Variants in DYNC2I1 observed in about 807,000 individuals in gnomAD.
DYNC2I1 encodes the protein cytoplasmic dynein 2 intermediate chain 1.
Under a neutral mutation model 133.4 loss-of-function variants are expected in DYNC2I1, and 89 were observed. The observed-to-expected ratio is 0.67, with a 90% CI of 0.56 to 0.80. The LOEUF is 0.80. Among genes scored for constraint, DYNC2I1 ranks in the 30% least tolerant of loss-of-function variants. The pLI is 0.00. For synonymous variants in DYNC2I1, 504 were observed against 484.3 expected, an observed-to-expected ratio of 1.04 and a Z score of -0.54; for missense variants, 1,291 against 1,314.5, an observed-to-expected ratio of 0.98 and a Z score of 0.28.
At chr7:158,915,122 T>C (rs527690127) in intron 14 of DYNC2I1, among the ~76,000 whole-genome samples, 23 of 152,052 alleles carry the variant, frequency 1.5e-4, no homozygotes, top group Non-Finnish European at 2.5e-4. Context: ...TTGTAAAACC[T>C]TGACACGCTG....
the DYNC2I1 span, among the ~76,000 whole-genome samples, chr7:158,846,968 T>C: frequency 6.6e-6 from 1 of 152,252 alleles, no homozygotes; most frequent in Non-Finnish European, 1.5e-5. Flanking sequence ...GTGGAAGTGA[T>C]AGTTCACTAC....
chr7:158,950,075 C>T (rs924448105), downstream of DYNC2I1, among the ~76,000 whole-genome samples: 7 of 151,442 alleles, frequency 4.6e-5, no homozygotes, highest in Admixed American at 6.6e-5. Context: ...CCAGCCAAGT[C>T]GAGCGTTTTT....
Position 158,872,191 on chromosome 7 carries a change from C to T in DYNC2I1, c.490+629C>T, listed in dbSNP as rs142526228. On this transcript the variant is annotated intron_variant, in intron 3 of 24. Transcript: ENST00000407559. The stretch of plus-strand genomic sequence containing the variant: ...ATTAGCTGTGTGTGGTGGCGCTTGC[C>T]TGTAGTTCTAGCTATTTGGTAGGCC... Among the ~76,000 whole-genome samples the T allele has an allele frequency of 1.5e-3, 223 of 152,240 alleles. 1 individual carries two copies. The highest frequency in any genetic ancestry group is 4.8e-3 in the African/African-American group (199 of 41,542).
At chr7:158,953,796 T>C (rs1009717755) in intron 4 of DYNC2I1, among the ~76,000 whole-genome samples, 1 of 152,036 alleles carries the variant, frequency 6.6e-6, no homozygotes, top group Non-Finnish European at 1.5e-5. Flanking sequence ...ATATATATGT[T>C]ATATATATGC....
Position 158,887,004 on chromosome 7 carries a change from TTA to T in DYNC2I1, c.936-15_936-14del, listed in dbSNP as rs1844672089. ...CATTTAAAGTAAGTTTTGATTTTGA[TTA>T]TGTTTGCTTTCCAGGCATGCTGAGA... On this transcript the variant is annotated splice_polypyrimidine_tract_variant and intron_variant, in intron 6 of 24. Transcript: ENST00000407559. 6.2e-7 allele frequency: 1 copy of T among 1,612,188 alleles called. No individual in the cohort carries two copies. The highest frequency in any genetic ancestry group is 1.3e-5 in the African/African-American group (1 of 74,910).
At chr7:158,929,046 G>C (rs551122967) in intron 20 of DYNC2I1, among the ~76,000 whole-genome samples, 3 of 152,308 alleles carry the variant, frequency 2.0e-5, no homozygotes, top group Admixed American at 6.5e-5. Flanking sequence ...AGGATATCCT[G>C]GGGTGGTGAG....
intron 4 of DYNC2I1, among the ~76,000 whole-genome samples, chr7:158,878,407 A>T (rs1247860088): frequency 4.2e-5 from 5 of 119,050 alleles, no homozygotes; most frequent in East Asian, 2.7e-4. Context: ...CCATGTGGGG[A>T]GGCCAGGAGG....
At chr7:158,904,961 C>A in intron 10 of DYNC2I1, 1 of 277,656 alleles carries the variant, frequency 3.6e-6, no homozygotes, top group Non-Finnish European at 7.1e-6. Context: ...AAACCAATAT[C>A]CAAAAGGAAT....
At chr7:158,942,201 G>T (rs149827566) in intron 24 of DYNC2I1, 53 bp downstream of exon 24, 8 of 1,401,386 alleles carry the variant, frequency 5.7e-6, no homozygotes, top group Non-Finnish European at 4.8e-6. Context: ...CTTCGGCCAC[G>T]GGTGCCACTT....
chr7:158,915,048 A>C (rs2527215), intron 14 of DYNC2I1, among the ~76,000 whole-genome samples: 5 of 150,574 alleles, frequency 3.3e-5, no homozygotes, highest in African/African-American at 1.2e-4. Flanking sequence ...GTGAAACCTC[A>C]ACACGCTAGT....
chr7:158,906,168 G>C (rs1056363369), intron 11 of DYNC2I1, 77 bp downstream of exon 11: 1 of 1,347,424 alleles, frequency 7.4e-7, no homozygotes, highest in Admixed American at 2.3e-5. Flanking sequence ...TTAAAAAATC[G>C]AGTTTTAAAA....
rs769851377 is a variant in DYNC2I1, at chr7:158,884,706, G to A, written c.935+87G>A. ...GAATTTTCTTATTGGCTCCGATGAC[G>A]GCCAGTCCATGGCAATCAGTTATAG... On this transcript the variant is annotated intron_variant, in intron 6 of 24. Coordinates refer to ENST00000407559, the MANE Select transcript of DYNC2I1 (RefSeq NM_018051.5). 1,711 of 1,411,630 alleles carry A rather than the reference G, an allele frequency of 1.2e-3. 2 individuals are homozygous for A. The highest frequency in any genetic ancestry group is 1.6e-3 in the Non-Finnish European group (1,580 of 1,017,374). The allele number at this position is 1,411,630 out of a possible 1,614,324, so 87.4% of individuals were successfully genotyped here.
At chr7:158,848,207 AG>A in the DYNC2I1 span, among the ~76,000 whole-genome samples, 1 of 152,206 alleles carries the variant, frequency 6.6e-6, no homozygotes, top group Non-Finnish European at 1.5e-5. Flanking sequence ...TGCCCTGAGA[AG>A]GGAACTGCTC....
upstream of DYNC2I1, chr7:158,856,480 C>G: frequency 2.6e-6 from 1 of 383,630 alleles, no homozygotes; most frequent in East Asian, 3.7e-5. Flanking sequence ...GCCGCGGGCA[C>G]GCCGAGCAGC....
chr7:158,881,330 C>G (rs558612234), intron 5 of DYNC2I1, among the ~76,000 whole-genome samples: 1 of 152,294 alleles, frequency 6.6e-6, no homozygotes, highest in Non-Finnish European at 1.5e-5. Context: ...TTCTGCTACC[C>G]GCGTCTACGG....
At chr7:158,844,560 G>A in the DYNC2I1 span, among the ~76,000 whole-genome samples, 1 of 152,174 alleles carries the variant, frequency 6.6e-6, no homozygotes, top group Non-Finnish European at 1.5e-5. Flanking sequence ...AAGAAAAAAT[G>A]GAGTAAAGGA....
At chr7:158,946,899 G>C (rs1200466992), downstream of DYNC2I1, among the ~76,000 whole-genome samples, 1 of 152,214 alleles carries the variant, frequency 6.6e-6, no homozygotes, top group Non-Finnish European at 1.5e-5. Context: ...TCTTAGACCT[G>C]GAAGGTGTCT....
Position 158,871,519 on chromosome 7 carries a change from C to T in DYNC2I1, c.447C>T (p.Arg149=), listed in dbSNP as rs749232590. 1.7e-5 allele frequency: 27 copies of T among 1,545,142 alleles called. No individual in the cohort carries two copies. In the East Asian group the frequency reaches 2.2e-4, roughly 13 times the overall value. Residue 149 remains arginine (R), a synonymous_variant, in exon 3 of 25, where the codon CGC becomes CGT. Transcript: ENST00000407559. ...AHHNLLGQET[R]DRQLLERAER... ...ACAACCTGCTGGGCCAGGAGACACGCGACCGGCAGCTCCTGGAGCGGGCGG... is the reference window on the plus strand; with the variant it reads ...ACAACCTGCTGGGCCAGGAGACACGTGACCGGCAGCTCCTGGAGCGGGCGG...
At chr7:158,842,448 C>G in the DYNC2I1 span, among the ~76,000 whole-genome samples, 1 of 152,236 alleles carries the variant, frequency 6.6e-6, no homozygotes, top group Non-Finnish European at 1.5e-5. Context: ...GGGCTTTAGC[C>G]TCAGTCCGTC....
Sources: allele counts gnomAD v4.1 joint callset (sites outside exome capture counted in the v4.1 genomes callset), GRCh38; gene constraint gnomAD v4.1.1; transcripts MANE v1.5; gene names NCBI Gene and HGNC (gene_info 2026-07-23, HGNC 2026-07-21).